Variants in PIGP observed in about 807,000 individuals in gnomAD.
PIGP encodes the protein phosphatidylinositol glycan anchor biosynthesis class P, also known as phosphatidylinositol N-acetylglucosaminyltransferase subunit P.
PIGP carries 12 observed loss-of-function variants against 16.9 expected under a neutral mutation model. That is an observed-to-expected ratio of 0.71 (90% confidence interval 0.46 to 1.15). The LOEUF (loss-of-function observed/expected upper bound fraction) is 1.15. Among genes scored for constraint, PIGP ranks in the 50% most tolerant of loss-of-function variants. The probability of loss-of-function intolerance (pLI) is 0.00; values close to 1 mark genes in which losing one functional copy is unlikely to be tolerated. For synonymous variants in PIGP, 57 were observed against 54.7 expected, an observed-to-expected ratio of 1.04 and a Z score of -0.18; for missense variants, 159 against 153.5, an observed-to-expected ratio of 1.04 and a Z score of -0.19.
At chr21:37,068,026 T>C (rs2069936826) in intron 3 of PIGP, among the ~76,000 whole-genome samples, 1 of 151,736 alleles carries the variant, frequency 6.6e-6, no homozygotes, top group Non-Finnish European at 1.5e-5. Flanking sequence ...TTTTTCTTTT[T>C]GAGAAAGCAT....
At chr21:37,072,048 G>A in intron 2 of PIGP, 6 of 777,126 alleles carry the variant, frequency 7.7e-6, no homozygotes, top group South Asian at 6.8e-5. Context: ...CAGGGGGAAA[G>A]GCCTCTGTAG....
At chr21:37,068,021 C>G (rs201749081) in intron 3 of PIGP, among the ~76,000 whole-genome samples, 1 of 102,400 alleles carries the variant, frequency 9.8e-6, no homozygotes, top group Non-Finnish European at 2.1e-5. Flanking sequence ...TTTTTTTTTT[C>G]TTTTTGAGAA....
At chr21:37,066,728 G>A (rs918539565) in intron 4 of PIGP, among the ~76,000 whole-genome samples, 1 of 152,082 alleles carries the variant, frequency 6.6e-6, no homozygotes, top group Admixed American at 6.5e-5. Flanking sequence ...CTTGATCAAC[G>A]GTGTCTGTTC....
rs571579446 is a variant in PIGP, at chr21:37,072,435, G to A, written c.81C>T (p.Phe27=). ...GCCATCCATCAGGAAAGTACTTACT[G>A]AAGCCAAATTGGGAGCTTAAGAAAA... ...FVLFLSSQFG[F]ILYLVWAFIP... The change falls in exon 2 of 5, where the codon TTC becomes TTT. Residue 27 remains phenylalanine, a splice_region_variant and synonymous_variant. Coordinates refer to ENST00000360525, the MANE Select transcript of PIGP (RefSeq NM_153682.3). 1 of 1,614,212 alleles carries A rather than the reference G, an allele frequency of 6.2e-7. No individual in the cohort carries two copies. Among genetic ancestry groups the A allele is most frequent in the Non-Finnish European group, 8.5e-7 (1 of 1,180,010 alleles).
At chr21:37,072,624 G>GGCCCCCGCCGCGCAGAACCGCC in intron 1 of PIGP, 87 bp from the exon 2 acceptor site, 3 of 1,599,778 alleles carry the variant, frequency 1.9e-6, no homozygotes, top group Non-Finnish European at 2.6e-6. Context: ...CCGCGGGTAC[G>GGCCCCCGCCGCGCAGAACCGCC]GCCCCCGCCG....
In PIGP at chr21:37,072,037, C is replaced by A. The variant is rs1430690823; in HGVS notation, c.82+397G>T. The A allele has an allele frequency of 7.8e-6, 6 of 766,392 alleles. No individual in the cohort carries two copies. In the African/African-American group the frequency reaches 1.0e-4, roughly 13 times the overall value. The allele number at this position is 766,392 out of a possible 1,614,324, so 47.5% of individuals were successfully genotyped here. A position where few individuals can be genotyped will look rare whatever the true frequency, so the allele number is the denominator to read the frequency against. ...TACTCTTTCCTAATCAGCATCAGTG[C>A]CAGGGGGAAAGGCCTCTGTAGAAAG... On this transcript the variant is annotated intron_variant, in intron 2 of 4. Transcript: ENST00000360525.
At chr21:37,068,454 G>T (rs1419109871) in intron 3 of PIGP, among the ~76,000 whole-genome samples, 1 of 151,570 alleles carries the variant, frequency 6.6e-6, no homozygotes, top group Non-Finnish European at 1.5e-5. Flanking sequence ...AGTTATAATT[G>T]TTTCTTACCT....
chr21:37,066,893 G>A (rs1266850196), intron 4 of PIGP, among the ~76,000 whole-genome samples: 2 of 151,968 alleles, frequency 1.3e-5, no homozygotes, highest in East Asian at 3.8e-4. Context: ...GTATTCATCA[G>A]AACTTAATTC....
chr21:37,065,643 G>C lies in PIGP; in HGVS notation c.344C>G (p.Ser115Cys). 1 of 1,613,362 alleles carries C rather than the reference G, an allele frequency of 6.2e-7. No individual in the cohort carries two copies. The highest frequency in any genetic ancestry group is 8.5e-7 in the Non-Finnish European group (1 of 1,179,586). ...GAACATTTGGTTTACTTCACTAATA[G>C]AAATATCTCTTAAGGCTGGAATGGC... Reference protein sequence around the residue: ...EEAIPALRDISISEVNQMFFL... With the variant: ...EEAIPALRDICISEVNQMFFL... Residue 115 changes from serine (S) to cysteine (C), a missense_variant, in exon 5 of 5, where the codon TCT (serine) becomes TGT (cysteine). Ser to Cys is a moderately radical substitution (Grantham distance 112). Coordinates refer to ENST00000360525, the MANE Select transcript of PIGP (RefSeq NM_153682.3).
In PIGP at chr21:37,065,575, A is replaced by G; in HGVS notation, c.*7T>C. 1.2e-6 allele frequency: 2 copies of G among 1,612,168 alleles called. No individual in the cohort carries two copies. The highest frequency in any genetic ancestry group is 1.3e-5 in the African/African-American group (1 of 74,986). ...ACGTGCTTGGTGTTACTATGGTTACACACAGTTCAGTTTTTGGTGTAAAGT... is the reference window on the plus strand; with the variant it reads ...ACGTGCTTGGTGTTACTATGGTTACGCACAGTTCAGTTTTTGGTGTAAAGT... On this transcript the variant is annotated 3_prime_UTR_variant, in exon 5 of 5. Coordinates refer to ENST00000360525, the MANE Select transcript of PIGP (RefSeq NM_153682.3).
At chr21:37,070,099 T>C (rs1181117829) in intron 2 of PIGP, among the ~76,000 whole-genome samples, 1 of 152,212 alleles carries the variant, frequency 6.6e-6, no homozygotes, top group African/African-American at 2.4e-5. Flanking sequence ...CGGCACTCTT[T>C]ACTGTTATCC....
At position 37,069,641 on chromosome 21, in the gene PIGP, GAA is replaced by G; in HGVS notation, c.83-19_83-18del. 1 of 1,504,016 alleles carries G rather than the reference GAA, an allele frequency of 6.6e-7. No homozygotes were observed. The allele number at this position is 1,504,016 out of a possible 1,614,324, so 93.2% of individuals were successfully genotyped here. A position where few individuals can be genotyped will look rare whatever the true frequency, so the allele number is the denominator to read the frequency against. On this transcript the variant is annotated intron_variant, in intron 2 of 4. Transcript: ENST00000360525. ...GGTAAAGTACTGTAGAAAAGAAAAA[GAA>G]AAAAAAGAGGAAGAGAAGTCAGTAA...
intron 1 of PIGP, 191 bp from the exon 2 acceptor site, chr21:37,072,728 G>A (rs973158644): frequency 9.6e-6 from 8 of 830,810 alleles, no homozygotes; most frequent in African/African-American, 6.8e-5. Context: ...GCAACAGAAG[G>A]GGTGGCGGAG....
intron 2 of PIGP, 56 bp from the exon 3 acceptor site, chr21:37,069,680 A>G (rs1324495327): frequency 9.4e-7 from 1 of 1,069,288 alleles, no homozygotes; most frequent in African/African-American, 1.6e-5. Flanking sequence ...ACATACATCT[A>G]ATCTATCAAT....
At chr21:37,072,673 C>A in intron 1 of PIGP, 136 bp from the exon 2 acceptor site, 3 of 1,490,276 alleles carry the variant, frequency 2.0e-6, no homozygotes, top group Non-Finnish European at 1.8e-6. Context: ...GCAACCCGCG[C>A]CCCCGCCTCG....
At chr21:37,071,132 A>G (rs997803331) in intron 2 of PIGP, among the ~76,000 whole-genome samples, 13 of 152,242 alleles carry the variant, frequency 8.5e-5, no homozygotes, top group African/African-American at 2.9e-4. Context: ...TCTTTGAACA[A>G]GGATTTACAA....
chr21:37,068,478 G>T (rs1259146631), intron 3 of PIGP, among the ~76,000 whole-genome samples: 1 of 151,770 alleles, frequency 6.6e-6, no homozygotes, highest in Admixed American at 6.6e-5. Flanking sequence ...AGAATTTTAT[G>T]TTATTTAAAT....
chr21:37,072,314 A>C, intron 2 of PIGP, 120 bp downstream of exon 2: 1 of 1,599,078 alleles, frequency 6.3e-7, no homozygotes, highest in African/African-American at 1.3e-5. Flanking sequence ...AGATTTTCTT[A>C]AAAAGAGACA....
intron 3 of PIGP, among the ~76,000 whole-genome samples, chr21:37,068,537 A>T (rs2146807849): frequency 6.6e-6 from 1 of 151,640 alleles, no homozygotes; most frequent in Admixed American, 6.6e-5. Context: ...AATTCCCTTT[A>T]ATTTTCTGCT....
Sources: gnomAD v4.1 joint callset for allele counts (sites outside exome capture counted in the v4.1 genomes callset) on GRCh38, gnomAD v4.1.1 for gene constraint, MANE v1.5 for transcripts, NCBI Gene and HGNC (gene_info 2026-07-23, HGNC 2026-07-21) for gene names.